PHACTR1: variants seen among roughly 807,000 people sequenced by gnomAD.
The protein encoded by PHACTR1 is phosphatase and actin regulator 1.
A neutral mutation model predicts 69.2 loss-of-function variants in PHACTR1; 16 were observed. That is an observed-to-expected ratio of 0.23 (90% confidence interval 0.16 to 0.35). The LOEUF is 0.35. PHACTR1 is among the 10% of genes least tolerant of loss of function. The pLI, the probability that PHACTR1 is intolerant of heterozygous loss-of-function variation, is 1.00. For missense variants in PHACTR1, 510 were observed against 734.7 expected (o/e 0.69, Z 3.54); for synonymous variants, 312 against 284.5 (o/e 1.10, Z -0.97).
At chr6:12,945,592 G>A (rs1301180022) in intron 4 of PHACTR1, among the ~76,000 whole-genome samples, 1 of 152,164 alleles carries the variant, frequency 6.6e-6, no homozygotes, top group Non-Finnish European at 1.5e-5. Flanking sequence ...TAGAAAAAGA[G>A]GAATCTGGTG....
At chr6:13,036,490 T>A (rs1473183016) in intron 4 of PHACTR1, among the ~76,000 whole-genome samples, 3 of 152,200 alleles carry the variant, frequency 2.0e-5, no homozygotes, top group Non-Finnish European at 4.4e-5. Flanking sequence ...AAATAGAGCT[T>A]AAGTTGTGAT....
intron 7 of PHACTR1, among the ~76,000 whole-genome samples, chr6:13,200,622 A>G (rs1408011589): frequency 6.6e-6 from 1 of 152,108 alleles, no homozygotes; most frequent in Non-Finnish European, 1.5e-5. Context: ...GCCAAGAGTT[A>G]TTTTTGACTG....
At chr6:12,963,539 C>T (rs1582725838) in intron 4 of PHACTR1, among the ~76,000 whole-genome samples, 1 of 151,514 alleles carries the variant, frequency 6.6e-6, no homozygotes, top group African/African-American at 2.4e-5. Flanking sequence ...ACTTGTAAAA[C>T]ACCCTGCCAT....
At chr6:12,924,567 G>A (rs562953081) in intron 4 of PHACTR1, among the ~76,000 whole-genome samples, 1 of 152,226 alleles carries the variant, frequency 6.6e-6, no homozygotes, top group South Asian at 2.1e-4. Context: ...AAGGTCAGAA[G>A]ATCGAGACCA....
At chr6:13,025,135 G>A (rs970460114) in intron 4 of PHACTR1, among the ~76,000 whole-genome samples, 8 of 152,000 alleles carry the variant, frequency 5.3e-5, no homozygotes, top group Non-Finnish European at 8.8e-5. Context: ...CGTGCCTATA[G>A]TCCCAGCTGC....
intron 3 of PHACTR1, among the ~76,000 whole-genome samples, chr6:12,741,281 T>A (rs1018668149): frequency 6.6e-6 from 1 of 152,044 alleles, no homozygotes; most frequent in African/African-American, 2.4e-5. Flanking sequence ...TTTTACGCCC[T>A]GCTTAAAAAT....
At chr6:13,160,376 C>A in intron 6 of PHACTR1, 92 bp downstream of exon 6, 1 of 1,093,928 alleles carries the variant, frequency 9.1e-7, no homozygotes, top group Non-Finnish European at 1.4e-6. Context: ...TTTTCTGCAT[C>A]ACCAGATATC....
intron 8 of PHACTR1, among the ~76,000 whole-genome samples, chr6:13,209,684 C>A (rs187910636): frequency 3.7e-4 from 56 of 152,364 alleles, no homozygotes; most frequent in Non-Finnish European, 7.2e-4. Context: ...AGCCCCTGCT[C>A]ACAGCAGTGT....
intron 4 of PHACTR1, among the ~76,000 whole-genome samples, chr6:12,884,996 T>C (rs1310790553): frequency 1.3e-5 from 2 of 152,090 alleles, no homozygotes; most frequent in African/African-American, 4.8e-5. Context: ...TGGAGTCGAG[T>C]CCTAGAGGAT....
At chr6:13,066,487 C>T (rs1436161423) in intron 5 of PHACTR1, among the ~76,000 whole-genome samples, 1 of 152,156 alleles carries the variant, frequency 6.6e-6, no homozygotes, top group Admixed American at 6.5e-5. Context: ...TAGTTGTGCA[C>T]AGGTTAGGCT....
intron 4 of PHACTR1, among the ~76,000 whole-genome samples, chr6:12,872,203 A>G (rs1782099123): frequency 6.6e-6 from 1 of 152,196 alleles, no homozygotes; most frequent in Non-Finnish European, 1.5e-5. Flanking sequence ...GAAGACTTTT[A>G]TCTGTTAGCG....
chr6:12,854,941 G>A lies in PHACTR1; in HGVS notation c.250+105151G>A, dbSNP rs957823708. Among the ~76,000 whole-genome samples the A allele has an allele frequency of 5.9e-5, 9 of 152,264 alleles. No homozygotes were observed. The East Asian group carries it at 7.7e-4, about 13-fold the overall frequency. On this transcript the variant is annotated intron_variant, in intron 4 of 14. Coordinates refer to ENST00000332995, the MANE Select transcript of PHACTR1 (RefSeq NM_030948.6). ...GGGAATATACGTTGTTGGTGGGAAC[G>A]CAAATTAGTACAGCCCCTGTGGAAA...
chr6:13,162,092 TTTG>T (rs72034845), intron 6 of PHACTR1, among the ~76,000 whole-genome samples: 92,330 of 150,852 alleles, frequency 0.61, 28,554 homozygotes, highest in African/African-American at 0.64. Context: ...CCTCCCTTGT[TTTG>T]TTGTTGTTGT....
chr6:12,925,144 T>C (rs1788136970), intron 4 of PHACTR1, among the ~76,000 whole-genome samples: 1 of 152,238 alleles, frequency 6.6e-6, no homozygotes, highest in South Asian at 2.1e-4. Context: ...TACAATCGAA[T>C]ATCTCATAAG....
At chr6:12,848,236 C>T (rs1029686481) in intron 4 of PHACTR1, among the ~76,000 whole-genome samples, 9 of 152,186 alleles carry the variant, frequency 5.9e-5, no homozygotes, top group African/African-American at 2.2e-4. Context: ...ACATTTTTAT[C>T]TTAACCATCA....
intron 5 of PHACTR1, among the ~76,000 whole-genome samples, chr6:13,115,706 T>G (rs1422567882): frequency 1.3e-5 from 2 of 152,272 alleles, no homozygotes. Flanking sequence ...CCACGTAGGC[T>G]GTATAAAGGG....
chr6:12,982,214 C>T (rs796176613), intron 4 of PHACTR1, among the ~76,000 whole-genome samples: 2 of 152,308 alleles, frequency 1.3e-5, no homozygotes, highest in African/African-American at 4.8e-5. Context: ...GCTGGCCCCT[C>T]CTGGCAGCTC....
At chr6:13,175,399 G>A (rs1761184508) in intron 6 of PHACTR1, among the ~76,000 whole-genome samples, 2 of 152,114 alleles carry the variant, frequency 1.3e-5, no homozygotes, top group African/African-American at 4.8e-5. Flanking sequence ...CTTTTCAAGG[G>A]GCAGACACTA....
At chr6:13,276,299 C>A (rs1238346520) in intron 11 of PHACTR1, among the ~76,000 whole-genome samples, 3 of 152,148 alleles carry the variant, frequency 2.0e-5, no homozygotes, top group Non-Finnish European at 2.9e-5. Context: ...AGCCTTATGC[C>A]CACAGGCGGT....
Sources: gnomAD v4.1 joint callset for allele counts (sites outside exome capture counted in the v4.1 genomes callset) on GRCh38, gnomAD v4.1.1 for gene constraint, MANE v1.5 for transcripts, NCBI Gene and HGNC (gene_info 2026-07-23, HGNC 2026-07-21) for gene names.